The following FMN1 variants were observed in gnomAD, a reference collection of about 807,000 sequenced individuals.
FMN1 encodes the protein formin 1.
FMN1 carries 110 observed loss-of-function variants against 132.4 expected under a neutral mutation model. The ratio of observed to expected loss-of-function variants is 0.83; its 90% CI spans 0.71 to 0.97. The LOEUF (loss-of-function observed/expected upper bound fraction) is 0.97, where lower values mean the gene tolerates loss of function less well. Ranked by LOEUF, FMN1 falls within the 50% of genes least tolerant of loss-of-function variation. FMN1 has a pLI of 0.00. For missense variants in FMN1, 1,792 were observed against 1,705.3 expected (o/e 1.05, Z -0.90); for synonymous variants, 722 against 651.7 (o/e 1.11, Z -1.64).
chr15:32,939,746 A>G (rs1169547522), intron 9 of FMN1, among the ~76,000 whole-genome samples: 1 of 152,210 alleles, frequency 6.6e-6, no homozygotes, highest in Non-Finnish European at 1.5e-5. Context: ...TGCTTGAAAG[A>G]AATCAAATTC....
At chr15:33,167,747 A>T (rs901724917) in intron 3 of FMN1, among the ~76,000 whole-genome samples, 1 of 152,252 alleles carries the variant, frequency 6.6e-6, no homozygotes, top group Non-Finnish European at 1.5e-5. Context: ...TAATAAAGTA[A>T]GCTAGAGAAA....
intron 15 of FMN1, 128 bp from the exon 16 acceptor site, chr15:32,888,420 T>C: frequency 1.4e-6 from 1 of 727,110 alleles, no homozygotes; most frequent in Non-Finnish European, 2.1e-6. Flanking sequence ...ATAGCAATGC[T>C]CCTCTGCTAT....
intron 16 of FMN1, among the ~76,000 whole-genome samples, chr15:32,860,082 A>AAAGGC (rs143955492): frequency 0.14 from 21,740 of 150,798 alleles, 1,919 homozygotes; most frequent in East Asian, 0.31. Context: ...AGGCAAAGGC[A>AAAGGC]AAGGCAAGGC....
At chr15:32,901,874 G>C (rs748460490) in intron 13 of FMN1, 37 bp downstream of exon 13, 1 of 1,572,634 alleles carries the variant, frequency 6.4e-7, no homozygotes, top group Non-Finnish European at 8.6e-7. Flanking sequence ...TTACTCTTCA[G>C]AGCAAGGCTA....
At chr15:32,979,593 C>T (rs1785076769) in intron 7 of FMN1, among the ~76,000 whole-genome samples, 1 of 145,274 alleles carries the variant, frequency 6.9e-6, no homozygotes, top group Non-Finnish European at 1.5e-5. Context: ...ACCATTCATA[C>T]TTTCAGAAGC....
At chr15:32,908,767 TG>T (rs1345574156) in intron 11 of FMN1, among the ~76,000 whole-genome samples, 189 bp from the exon 12 acceptor site, 2 of 151,634 alleles carry the variant, frequency 1.3e-5, no homozygotes, top group African/African-American at 4.8e-5. Flanking sequence ...GGGGTGTGGG[TG>T]GGGGTGGGGG....
chr15:32,815,154 G>A (rs2141067700), intron 17 of FMN1, among the ~76,000 whole-genome samples: 1 of 152,262 alleles, frequency 6.6e-6, no homozygotes, highest in South Asian at 2.1e-4. Flanking sequence ...GTGTTAGCCA[G>A]GATGGTCTCG....
chr15:33,030,404 C>T (rs1404202564), intron 6 of FMN1, among the ~76,000 whole-genome samples: 1 of 152,130 alleles, frequency 6.6e-6, no homozygotes. Context: ...CCTGAATCCC[C>T]AAAGAACTGA....
intron 16 of FMN1, among the ~76,000 whole-genome samples, chr15:32,869,151 G>C (rs2059458590): frequency 1.3e-5 from 2 of 152,208 alleles, no homozygotes; most frequent in Non-Finnish European, 1.5e-5. Flanking sequence ...ATTTGAATGA[G>C]TTAAGTGGTG....
chr15:33,111,432 G>A (rs988247963), intron 4 of FMN1, among the ~76,000 whole-genome samples: 6 of 151,990 alleles, frequency 3.9e-5, no homozygotes, highest in African/African-American at 1.2e-4. Flanking sequence ...TTCCTCAAAA[G>A]GTTAAATCAA....
intron 15 of FMN1, among the ~76,000 whole-genome samples, chr15:32,889,620 T>G (rs2059977365): frequency 6.6e-6 from 1 of 152,184 alleles, no homozygotes; most frequent in South Asian, 2.1e-4. Flanking sequence ...GACCCTTCCC[T>G]AGTGCCTCCT....
At chr15:33,007,116 T>TA (rs1166890068) in intron 7 of FMN1, among the ~76,000 whole-genome samples, 8 of 152,202 alleles carry the variant, frequency 5.3e-5, no homozygotes, top group Non-Finnish European at 1.2e-4. Context: ...AAGTATATAT[T>TA]AATTAGCTCA....
intron 7 of FMN1, among the ~76,000 whole-genome samples, chr15:33,000,108 C>T (rs2065962739): frequency 6.6e-6 from 1 of 152,128 alleles, no homozygotes; most frequent in African/African-American, 2.4e-5. Flanking sequence ...GGACTAGAGA[C>T]CTGCTGACTA....
At chr15:32,858,076 T>G (rs1034833549) in intron 16 of FMN1, among the ~76,000 whole-genome samples, 1 of 152,210 alleles carries the variant, frequency 6.6e-6, no homozygotes, top group South Asian at 2.1e-4. Flanking sequence ...TCATGCCACC[T>G]GGGGTTCACA....
chr15:33,128,269 G>C (rs991095190), intron 4 of FMN1, among the ~76,000 whole-genome samples: 4 of 152,148 alleles, frequency 2.6e-5, no homozygotes, highest in African/African-American at 9.7e-5. Context: ...GCAATAATTA[G>C]AAGCGCAACA....
chr15:32,869,319 G>A (rs1428624684), intron 16 of FMN1, among the ~76,000 whole-genome samples: 1 of 152,146 alleles, frequency 6.6e-6, no homozygotes, highest in Non-Finnish European at 1.5e-5. Flanking sequence ...AAAGGCTGGT[G>A]ACCAGCCTGG....
chr15:32,878,784 T>C (rs1368590756), intron 16 of FMN1, among the ~76,000 whole-genome samples: 1 of 152,214 alleles, frequency 6.6e-6, no homozygotes, highest in African/African-American at 2.4e-5. Flanking sequence ...CCCAGACTTT[T>C]CTATGATTGC....
intron 9 of FMN1, among the ~76,000 whole-genome samples, chr15:32,952,258 C>T (rs116544604): frequency 0.011 from 1,704 of 152,290 alleles, 26 homozygotes; most frequent in African/African-American, 0.038. Context: ...ATGCTTTAGG[C>T]GTTTTACTGC....
chr15:32,957,295 GTTCTT>G lies in FMN1; in HGVS notation c.3138+6807_3138+6811del, dbSNP rs1462974797. 3.7e-3 allele frequency among the ~76,000 whole-genome samples: 271 copies of G among 74,142 alleles called. 1 individual carries two copies. The highest frequency in any genetic ancestry group is 0.011 in the African/African-American group (253 of 24,028). The allele number at this position is 74,142 out of a possible 152,430, so 48.6% of individuals were successfully genotyped here. ...CACAATTGGAAAGTTTATCAGAGCA[GTTCTT>G]TTTTTTTTTTTTTTTTTTTTTTTTT... On this transcript the variant is annotated intron_variant, in intron 9 of 20. Transcript: ENST00000616417.
Sources: allele counts gnomAD v4.1 joint callset (sites outside exome capture counted in the v4.1 genomes callset), GRCh38; gene constraint gnomAD v4.1.1; transcripts MANE v1.5; gene names NCBI Gene and HGNC (gene_info 2026-07-23, HGNC 2026-07-21).